The following SLA variants were observed in gnomAD, a reference collection of about 807,000 sequenced individuals.
SLA encodes src-like-adapter.
SLA carries 16 observed loss-of-function variants against 30.3 expected under a neutral mutation model. The observed-to-expected ratio is 0.53, with a 90% CI of 0.36 to 0.80. SLA has a LOEUF of 0.80. Ranked by LOEUF, SLA falls within the 30% of genes least tolerant of loss-of-function variation. The pLI is 0.01. For synonymous variants in SLA, 143 were observed against 137.8 expected, an observed-to-expected ratio of 1.04 and a Z score of -0.26; for missense variants, 310 against 345.2, an observed-to-expected ratio of 0.90 and a Z score of 0.81.
chr8:133,053,732 T>A (rs1387723717), intron 3 of SLA, among the ~76,000 whole-genome samples: 1 of 151,926 alleles, frequency 6.6e-6, no homozygotes, highest in Non-Finnish European at 1.5e-5. Context: ...AAAAGCAAAA[T>A]CCCATTATAA....
At chr8:133,042,270 G>T (rs1393645425) in intron 7 of SLA, among the ~76,000 whole-genome samples, 1 of 152,080 alleles carries the variant, frequency 6.6e-6, no homozygotes, top group African/African-American at 2.4e-5. Flanking sequence ...AGACCCCCTG[G>T]TCTAATTCAC....
intron 3 of SLA, among the ~76,000 whole-genome samples, chr8:133,052,329 T>A (rs1169409844): frequency 6.6e-6 from 1 of 152,250 alleles, no homozygotes; most frequent in East Asian, 1.9e-4. Context: ...ATTGTTCATT[T>A]GGGGAAGCTG....
Position 133,038,730 on chromosome 8 carries a change from C to T in SLA, c.625G>A (p.Glu209Lys). 1 of 1,613,022 alleles carries T rather than the reference C, an allele frequency of 6.2e-7. No individual in the cohort carries two copies. Among genetic ancestry groups the T allele is most frequent in the Non-Finnish European group, 8.5e-7 (1 of 1,179,320 alleles). Residue 209 changes from glutamate (E) to lysine (K), a missense_variant, in exon 9 of 9, where the codon GAG (glutamate) becomes AAG (lysine). Physicochemically the swap from Glu to Lys is moderately conservative, Grantham distance 56. Transcript: ENST00000338087. ...VDWRRVSRLQ[E>K]DPEGTENPLG... The stretch of plus-strand genomic sequence containing the variant: ...GGGTTCTCTGTTCCCTCGGGGTCCT[C>T]CTGCAGTCTGTGGGCCAGAAGAAAA...
At chr8:133,073,015 A>G (rs1844306546) in intron 2 of SLA, 1 of 152,266 alleles carries the variant, frequency 6.6e-6, no homozygotes, top group Non-Finnish European at 1.5e-5. Context: ...TGATTTAGAA[A>G]TGATACCAAT....
intron 1 of SLA, among the ~76,000 whole-genome samples, chr8:133,089,121 TA>T (rs1847089940): frequency 6.6e-6 from 1 of 152,174 alleles, no homozygotes; most frequent in Non-Finnish European, 1.5e-5. Context: ...GGTCACACAC[TA>T]CCCCTTTATC....
chr8:133,048,850 A>C (rs1839925140), intron 5 of SLA: 1 of 189,734 alleles, frequency 5.3e-6, no homozygotes, highest in Non-Finnish European at 1.1e-5. Context: ...ATGAATACTA[A>C]AATTAAACTC....
At position 133,037,064 on chromosome 8, in the gene SLA, T is replaced by C. The variant is rs930512547; in HGVS notation, c.*1460A>G. On this transcript the variant is annotated 3_prime_UTR_variant, in exon 9 of 9. Coordinates refer to ENST00000338087, the MANE Select transcript of SLA (RefSeq NM_001045556.3). ...TCTATGATACAGAAAACTGTGTAAC[T>C]GCACATACACATACCAGTAGCACGA... 9 of 152,336 alleles carry C rather than the reference T, an allele frequency of 5.9e-5. No homozygotes were observed. The highest frequency in any genetic ancestry group is 2.2e-4 in the African/African-American group (9 of 41,570). 9.4% of individuals were successfully genotyped at this position (152,336 alleles called of 1,614,324 possible).
At chr8:133,060,003 C>G in intron 3 of SLA, 97 bp downstream of exon 3, 1 of 1,257,782 alleles carries the variant, frequency 8.0e-7, no homozygotes. Context: ...TACCCATTGC[C>G]CCATTTAAGT....
At chr8:133,071,760 TTC>T (rs565713958) in intron 2 of SLA, among the ~76,000 whole-genome samples, 10 of 152,160 alleles carry the variant, frequency 6.6e-5, no homozygotes, top group Non-Finnish European at 8.8e-5. Context: ...GTCCCCTCTC[TTC>T]TCTCTCCCTG....
At chr8:133,044,402 C>T (rs1259505672) in intron 7 of SLA, among the ~76,000 whole-genome samples, 2 of 152,068 alleles carry the variant, frequency 1.3e-5, no homozygotes, top group Non-Finnish European at 2.9e-5. Flanking sequence ...CTGTGAAGGG[C>T]ACAAAAATGA....
chr8:133,056,701 T>C (rs1319948378), intron 3 of SLA, among the ~76,000 whole-genome samples: 1 of 152,204 alleles, frequency 6.6e-6, no homozygotes, highest in Non-Finnish European at 1.5e-5. Flanking sequence ...AGTCTGCATA[T>C]GTAAAGCACT....
intron 2 of SLA, chr8:133,064,248 CA>C (rs1472890012): frequency 6.6e-6 from 1 of 152,146 alleles, no homozygotes; most frequent in Non-Finnish European, 1.5e-5. Flanking sequence ...TTAATTTTAG[CA>C]ATCAAGACTC....
chr8:133,063,569 A>T (rs934055144), intron 2 of SLA: 4 of 152,054 alleles, frequency 2.6e-5, no homozygotes, highest in Non-Finnish European at 5.9e-5. Flanking sequence ...CATCCAGGAA[A>T]AGAAACGTAC....
rs144017981 is a variant in SLA, at chr8:133,093,219, G to A, written c.-319+9334C>T. The stretch of plus-strand genomic sequence containing the variant: ...CTCATTGTTGGAAAAATAAACCTGA[G>A]GGCACAAGAACTCAACAATAGGCTA... On this transcript the variant is annotated intron_variant, in intron 1 of 8. Coordinates refer to ENST00000338087, the MANE Select transcript of SLA (RefSeq NM_001045556.3). Among the ~76,000 whole-genome samples, 568 of 151,880 alleles carry A rather than the reference G, an allele frequency of 3.7e-3. 2 individuals are homozygous for A. Among genetic ancestry groups the A allele is most frequent in the African/African-American group, 0.013 (540 of 41,270 alleles).
intron 2 of SLA, among the ~76,000 whole-genome samples, chr8:133,063,365 C>T (rs1346258175): frequency 6.6e-6 from 1 of 151,878 alleles, no homozygotes; most frequent in African/African-American, 2.4e-5. Context: ...TCCTTTATGT[C>T]AACCATTCCA....
chr8:133,039,843 G>T (rs878916895), intron 8 of SLA, among the ~76,000 whole-genome samples, 155 bp downstream of exon 8: 6 of 152,116 alleles, frequency 3.9e-5, no homozygotes, highest in African/African-American at 7.2e-5. Context: ...CTACACTTGT[G>T]GGGGGTGCTC....
chr8:133,089,590 T>C (rs116999370), intron 1 of SLA, among the ~76,000 whole-genome samples: 1,811 of 152,336 alleles, frequency 0.012, 22 homozygotes, highest in South Asian at 0.027. Context: ...TGAAGTTTAC[T>C]TCTCACTACA....
intron 1 of SLA, among the ~76,000 whole-genome samples, chr8:133,092,721 T>G (rs1369824943): frequency 1.3e-5 from 2 of 152,138 alleles, no homozygotes; most frequent in African/African-American, 2.4e-5. Context: ...CCATGCTCTC[T>G]ACACACCTCT....
rs909277410 is a variant in SLA at position 133,059,334 on chromosome 8, A to G, written c.61+766T>C. 6 of 357,116 alleles carry G rather than the reference A, an allele frequency of 1.7e-5. No individual in the cohort carries two copies. In the East Asian group the frequency reaches 4.4e-4, roughly 26 times the overall value. 22.1% of individuals were successfully genotyped at this position (357,116 alleles called of 1,614,324 possible). A position where few individuals can be genotyped will look rare whatever the true frequency, so the allele number is the denominator to read the frequency against. ...AGAATTATGGACTAGGAATCTGAGGAAATAAAGGTCAGGCCATTAGAAGGG... is the reference window on the plus strand; with the variant it reads ...AGAATTATGGACTAGGAATCTGAGGGAATAAAGGTCAGGCCATTAGAAGGG... On this transcript the variant is annotated intron_variant, in intron 3 of 8. Transcript: ENST00000338087.
Sources: gnomAD v4.1 joint callset for allele counts (sites outside exome capture counted in the v4.1 genomes callset) on GRCh38, gnomAD v4.1.1 for gene constraint, MANE v1.5 for transcripts, NCBI Gene and HGNC (gene_info 2026-07-23, HGNC 2026-07-21) for gene names.